PITPNB: variants seen among roughly 807,000 people sequenced by gnomAD.
PITPNB encodes the protein phosphatidylinositol transfer protein beta.
PITPNB carries 16 observed loss-of-function variants against 45.9 expected under a neutral mutation model. The observed-to-expected ratio is 0.35, with a 90% confidence interval of 0.24 to 0.53. PITPNB has a LOEUF of 0.53. Ranked by LOEUF, PITPNB falls within the 20% of genes least tolerant of loss-of-function variation. The pLI, the probability that PITPNB is intolerant of heterozygous loss-of-function variation, is 0.93. For missense variants in PITPNB, 188 were observed against 330.5 expected (o/e 0.57, Z 3.34); for synonymous variants, 112 against 108.9 (o/e 1.03, Z -0.18).
chr22:27,895,457 G>A (rs1935405079), intron 6 of PITPNB, among the ~76,000 whole-genome samples: 1 of 152,010 alleles, frequency 6.6e-6, no homozygotes, highest in Admixed American at 6.6e-5. Context: ...AGGCATGGTG[G>A]TGCATGCCTG....
At chr22:27,895,064 C>G (rs1304704952) in intron 6 of PITPNB, among the ~76,000 whole-genome samples, 8 of 152,126 alleles carry the variant, frequency 5.3e-5, no homozygotes, top group Non-Finnish European at 1.5e-5. Flanking sequence ...AAAATCTCTC[C>G]AAAATTTGAT....
Position 27,860,232 on chromosome 22 carries a change from C to G in PITPNB, c.544G>C (p.Ala182Pro). 6.2e-7 allele frequency: 1 copy of G among 1,601,106 alleles called. No individual in the cohort carries two copies. The highest frequency in any genetic ancestry group is 8.5e-7 in the Non-Finnish European group (1 of 1,171,452). Reference sequence around the variant, plus strand: ...ATCTGGGGACAGTCAGGGCTGTTTGCCAGCTCCTTCTAGATGAGAAAAATT... The same window carrying G: ...ATCTGGGGACAGTCAGGGCTGTTTGGCAGCTCCTTCTAGATGAGAAAAATT... The part of the protein sequence containing the change: ...PLGPNWKKEL[A>P]NSPDCPQMCA... The change falls in exon 9 of 12, where the codon GCA becomes CCA. Residue 182 changes from alanine (A) to proline (P), a missense_variant. Coordinates refer to ENST00000335272, the MANE Select transcript of PITPNB (RefSeq NM_012399.5).
At chr22:27,883,033 T>C (rs536447608) in intron 7 of PITPNB, among the ~76,000 whole-genome samples, 4 of 152,234 alleles carry the variant, frequency 2.6e-5, no homozygotes, top group African/African-American at 9.6e-5. Flanking sequence ...CCAATCCTTT[T>C]ACTCTATTGC....
At chr22:27,908,144 GT>G (rs1312361902) in intron 3 of PITPNB, among the ~76,000 whole-genome samples, 3 of 151,598 alleles carry the variant, frequency 2.0e-5, no homozygotes, top group Non-Finnish European at 4.4e-5. Context: ...TGACTGGAGT[GT>G]TACCTAAATC....
intron 8 of PITPNB, among the ~76,000 whole-genome samples, chr22:27,869,207 A>T (rs911078244): frequency 9.8e-5 from 15 of 152,314 alleles, no homozygotes; most frequent in African/African-American, 3.6e-4. Context: ...CTTTCCTATT[A>T]CTATGCACAC....
At chr22:27,909,370 T>A (rs1207448479) in intron 3 of PITPNB, among the ~76,000 whole-genome samples, 1 of 151,956 alleles carries the variant, frequency 6.6e-6, no homozygotes, top group Non-Finnish European at 1.5e-5. Flanking sequence ...TTGGCCAGCA[T>A]TTTTTGTTTT....
chr22:27,897,681 A>T lies in PITPNB; in HGVS notation c.289+120T>A, dbSNP rs545245364. 2 of 717,954 alleles carry T rather than the reference A, an allele frequency of 2.8e-6. 1 individual carries two copies. Among genetic ancestry groups the T allele is most frequent in the South Asian group, 3.2e-5 (2 of 63,188 alleles). The allele number at this position is 717,954 out of a possible 1,614,324, so 44.5% of individuals were successfully genotyped here. On this transcript the variant is annotated intron_variant, in intron 4 of 11. Coordinates refer to ENST00000335272, the MANE Select transcript of PITPNB (RefSeq NM_012399.5). ...TTCCTCTGCCATCATTCTAGCAGTG[A>T]CTATCCAAGAACCCAAGGAAGACCT...
intron 3 of PITPNB, among the ~76,000 whole-genome samples, chr22:27,899,814 C>T (rs1208240514): frequency 6.6e-6 from 1 of 152,182 alleles, no homozygotes; most frequent in Non-Finnish European, 1.5e-5. Context: ...CAATGGAACA[C>T]ATGAGGATAA....
intron 2 of PITPNB, among the ~76,000 whole-genome samples, chr22:27,912,644 A>T (rs1935960673): frequency 6.7e-6 from 1 of 149,012 alleles, no homozygotes; most frequent in South Asian, 2.1e-4. Context: ...TAAAAAATTA[A>T]AAAAAAAAAG....
chr22:27,909,204 G>A (rs926880148), intron 3 of PITPNB, among the ~76,000 whole-genome samples: 4 of 130,916 alleles, frequency 3.1e-5, no homozygotes, highest in African/African-American at 1.1e-4. Flanking sequence ...AATACTGGTA[G>A]TACTTTTTTT....
rs536495395 is a variant in PITPNB, at chr22:27,912,642, TA to T, written c.52-1534del. Among the ~76,000 whole-genome samples, 348 of 144,474 alleles carry T rather than the reference TA, an allele frequency of 2.4e-3. 2 individuals are homozygous for T. The highest frequency in any genetic ancestry group is 0.012 in the East Asian group (59 of 4,990). The allele number at this position is 144,474 out of a possible 152,430, so 94.8% of individuals were successfully genotyped here. A position where few individuals can be genotyped will look rare whatever the true frequency, so the allele number is the denominator to read the frequency against. Reference sequence around the variant, plus strand: ...TTCTCCTTTTTTAAGAATAAAAAATTAAAAAAAAAAAGAATAAGAAATAGAC... The same window carrying T: ...TTCTCCTTTTTTAAGAATAAAAAATTAAAAAAAAAAGAATAAGAAATAGAC... On this transcript the variant is annotated intron_variant, in intron 2 of 11. Transcript: ENST00000335272.
intron 3 of PITPNB, among the ~76,000 whole-genome samples, chr22:27,906,299 A>G (rs1935760765): frequency 2.0e-5 from 3 of 152,232 alleles, no homozygotes; most frequent in African/African-American, 7.2e-5. Flanking sequence ...ATGGACTTAT[A>G]CAATTGGGAA....
At chr22:27,855,465 G>A (rs1430110438) in intron 10 of PITPNB, among the ~76,000 whole-genome samples, 2 of 152,216 alleles carry the variant, frequency 1.3e-5, no homozygotes, top group African/African-American at 4.8e-5. Context: ...GGCAAACCAT[G>A]AAGGGCACAC....
intron 5 of PITPNB, 186 bp from the exon 6 acceptor site, chr22:27,896,812 C>G (rs1389388062): frequency 1.6e-6 from 1 of 608,206 alleles, no homozygotes; most frequent in Non-Finnish European, 2.9e-6. Flanking sequence ...ATGCTACATG[C>G]TTTTAAATAA....
chr22:27,860,182 G>A lies in PITPNB; in HGVS notation c.594C>T (p.Ile198=), dbSNP rs1601376528. Residue 198 remains isoleucine (I), a synonymous_variant, in exon 9 of 12, where the codon ATC becomes ATT. Coordinates refer to ENST00000335272, the MANE Select transcript of PITPNB (RefSeq NM_012399.5). The stretch of plus-strand genomic sequence containing the variant: ...TTTGCAGTCCCCACCACTTGAATTT[G>A]ATGGTCACCAGCTTATAGGCACACA... ...PQMCAYKLVT[I]KFKWWGLQSK... is the part of the protein sequence containing the mutation. 2.5e-6 allele frequency: 4 copies of A among 1,613,896 alleles called. No individual in the cohort carries two copies. Among genetic ancestry groups the A allele is most frequent in the Non-Finnish European group, 1.7e-6 (2 of 1,179,812 alleles).
At chr22:27,877,886 G>A (rs944943800) in intron 7 of PITPNB, among the ~76,000 whole-genome samples, 1 of 152,108 alleles carries the variant, frequency 6.6e-6, no homozygotes, top group Non-Finnish European at 1.5e-5. Context: ...TGTAAACTAA[G>A]GAAAAGAGGA....
chr22:27,867,387 G>T (rs1238633005), intron 8 of PITPNB, among the ~76,000 whole-genome samples: 1 of 152,118 alleles, frequency 6.6e-6, no homozygotes, highest in East Asian at 1.9e-4. Context: ...TGGGGTAAAT[G>T]GAAAATATTA....
chr22:27,873,698 TGCCAAGACTC>T, intron 8 of PITPNB, 30 bp downstream of exon 8: 7 of 1,239,746 alleles, frequency 5.6e-6, no homozygotes, highest in Non-Finnish European at 7.2e-6. Context: ...AGTGTTCTGT[TGCCAAGACTC>T]TGCCTGTCAG....
Position 27,860,245 on chromosome 22 carries a change from G to T in PITPNB, c.535-4C>A. 2 of 1,565,938 alleles carry T rather than the reference G, an allele frequency of 1.3e-6. No homozygotes were observed. Among genetic ancestry groups the T allele is most frequent in the East Asian group, 4.5e-5 (2 of 44,602 alleles). On this transcript the variant is annotated splice_region_variant and splice_polypyrimidine_tract_variant and intron_variant, in intron 8 of 11. Transcript: ENST00000335272. The stretch of plus-strand genomic sequence containing the variant: ...CAGGGCTGTTTGCCAGCTCCTTCTA[G>T]ATGAGAAAAATTGAAAAGGAGAAAT...
Sources: gnomAD v4.1 joint callset for allele counts (sites outside exome capture counted in the v4.1 genomes callset) on GRCh38, gnomAD v4.1.1 for gene constraint, MANE v1.5 for transcripts, NCBI Gene and HGNC (gene_info 2026-07-23, HGNC 2026-07-21) for gene names.